Variants in SLC35F1 observed in about 807,000 individuals in gnomAD.
The protein encoded by SLC35F1 is chromosome 6 open reading frame 169.
SLC35F1 carries 14 observed loss-of-function variants against 48.7 expected under a neutral mutation model. That is an observed-to-expected ratio of 0.29 (90% confidence interval 0.19 to 0.45). The LOEUF is 0.45. Ranked by LOEUF, SLC35F1 falls within the 20% of genes least tolerant of loss-of-function variation. The pLI is 1.00. For missense variants in SLC35F1, 404 were observed against 500.0 expected (o/e 0.81, Z 1.83); for synonymous variants, 190 against 202.2 (o/e 0.94, Z 0.51).
intron 2 of SLC35F1, among the ~76,000 whole-genome samples, chr6:118,182,517 A>AAG (rs1295232420): frequency 5.6e-4 from 75 of 134,986 alleles, no homozygotes; most frequent in Middle Eastern, 7.1e-3. Context: ...AGAGAGAGAG[A>AAG]GAGAAGGAAG....
intron 3 of SLC35F1, among the ~76,000 whole-genome samples, chr6:118,242,487 A>C (rs1775453703): frequency 6.6e-6 from 1 of 152,224 alleles, no homozygotes; most frequent in Admixed American, 6.5e-5. Flanking sequence ...AGAAAGTAAA[A>C]AGAGAGGTGG....
At chr6:118,236,622 A>G (rs948457479) in intron 3 of SLC35F1, among the ~76,000 whole-genome samples, 2 of 152,228 alleles carry the variant, frequency 1.3e-5, no homozygotes, top group Non-Finnish European at 2.9e-5. Context: ...TGAACTTCAA[A>G]GATAGCTTGA....
At chr6:118,192,100 A>G (rs1774740336) in intron 2 of SLC35F1, among the ~76,000 whole-genome samples, 1 of 152,152 alleles carries the variant, frequency 6.6e-6, no homozygotes, top group African/African-American at 2.4e-5. Flanking sequence ...CTTGAATACG[A>G]GTTGTTATTC....
chr6:117,944,951 C>T (rs1026175176), intron 1 of SLC35F1, among the ~76,000 whole-genome samples: 1 of 152,140 alleles, frequency 6.6e-6, no homozygotes, highest in South Asian at 2.1e-4. Context: ...ATTTGTTTAA[C>T]AGGTATTAAC....
At chr6:118,159,138 G>A (rs1191139744) in intron 2 of SLC35F1, among the ~76,000 whole-genome samples, 9 of 145,802 alleles carry the variant, frequency 6.2e-5, no homozygotes, top group Non-Finnish European at 1.2e-4. Flanking sequence ...GGAGATTGGC[G>A]TGAACCTGGG....
chr6:118,185,766 AC>A (rs1774647685), intron 2 of SLC35F1, among the ~76,000 whole-genome samples: 1 of 151,988 alleles, frequency 6.6e-6, no homozygotes, highest in African/African-American at 2.4e-5. Flanking sequence ...CATCCAGTAG[AC>A]CCTTGAATTT....
At chr6:118,141,655 A>G (rs1047078961) in intron 1 of SLC35F1, among the ~76,000 whole-genome samples, 3 of 152,172 alleles carry the variant, frequency 2.0e-5, no homozygotes, top group Admixed American at 2.0e-4. Flanking sequence ...TACCCTGTTC[A>G]TGAGGACTCC....
intron 7 of SLC35F1, among the ~76,000 whole-genome samples, chr6:118,289,422 C>T (rs1260744359): frequency 4.6e-5 from 7 of 152,148 alleles, no homozygotes; most frequent in Non-Finnish European, 2.9e-5. Flanking sequence ...AACTGCCAAA[C>T]TATTTTACAG....
chr6:118,126,204 G>A (rs1234535190), intron 1 of SLC35F1, among the ~76,000 whole-genome samples: 4 of 152,106 alleles, frequency 2.6e-5, no homozygotes, highest in Non-Finnish European at 5.9e-5. Flanking sequence ...TACAAACAGT[G>A]CTCTCCTTAG....
chr6:118,212,732 AAGGAAGGAAGG>A (rs1187392971), intron 2 of SLC35F1, among the ~76,000 whole-genome samples: 412 of 31,354 alleles, frequency 0.013, 12 homozygotes, highest in Non-Finnish European at 0.014. Flanking sequence ...GAAGGAAAGG[AAGGAAGGAAGG>A]AAGGAAGGAA....
At chr6:118,120,739 A>G (rs1046097336) in intron 1 of SLC35F1, among the ~76,000 whole-genome samples, 2 of 152,200 alleles carry the variant, frequency 1.3e-5, no homozygotes, top group African/African-American at 2.4e-5. Context: ...AACCCCAGGA[A>G]GGGTACAGTA....
At chr6:118,256,208 GT>G (rs1562341184) in intron 3 of SLC35F1, among the ~76,000 whole-genome samples, 2,585 of 14,162 alleles carry the variant, frequency 0.18, 70 homozygotes, top group African/African-American at 0.21. Context: ...GACTTCTGGT[GT>G]GTGTGTGTGT....
intron 2 of SLC35F1, among the ~76,000 whole-genome samples, chr6:118,190,853 C>T (rs1254230281): frequency 2.0e-5 from 3 of 152,172 alleles, no homozygotes; most frequent in South Asian, 2.1e-4. Flanking sequence ...TCCCCTACAA[C>T]TGAATCTCTA....
chr6:118,162,714 T>C (rs1774255562), intron 2 of SLC35F1, among the ~76,000 whole-genome samples: 1 of 152,178 alleles, frequency 6.6e-6, no homozygotes, highest in Non-Finnish European at 1.5e-5. Context: ...GGCATCCTTT[T>C]AGACAACAAG....
intron 1 of SLC35F1, among the ~76,000 whole-genome samples, chr6:117,980,971 C>T (rs987642768): frequency 2.6e-5 from 4 of 151,998 alleles, no homozygotes; most frequent in Non-Finnish European, 5.9e-5. Context: ...GAAAAAAAAC[C>T]CTCAAAATGT....
chr6:118,155,302 T>A (rs1774122572), intron 2 of SLC35F1, among the ~76,000 whole-genome samples: 1 of 152,156 alleles, frequency 6.6e-6, no homozygotes, highest in Non-Finnish European at 1.5e-5. Flanking sequence ...GAATGTCCCC[T>A]CCAAAACTCA....
intron 1 of SLC35F1, among the ~76,000 whole-genome samples, chr6:117,942,820 A>C (rs1224849495): frequency 6.6e-6 from 1 of 152,216 alleles, no homozygotes; most frequent in Non-Finnish European, 1.5e-5. Flanking sequence ...TGTTAGCAAA[A>C]TCACATTTGA....
chr6:118,273,788 T>C (rs1775887041), intron 4 of SLC35F1, among the ~76,000 whole-genome samples: 1 of 152,148 alleles, frequency 6.6e-6, no homozygotes, highest in Admixed American at 6.5e-5. Flanking sequence ...TAACTCCCCA[T>C]GAACCCAAAG....
At chr6:118,117,723 C>A (rs1391337526) in intron 1 of SLC35F1, among the ~76,000 whole-genome samples, 1 of 152,118 alleles carries the variant, frequency 6.6e-6, no homozygotes, top group Non-Finnish European at 1.5e-5. Context: ...ATTCCTCATG[C>A]CACCTTGCAG....
Sources: gnomAD v4.1 joint callset for allele counts (sites outside exome capture counted in the v4.1 genomes callset) on GRCh38, gnomAD v4.1.1 for gene constraint, MANE v1.5 for transcripts, NCBI Gene and HGNC (gene_info 2026-07-23, HGNC 2026-07-21) for gene names.